Variants in PRPSAP1 observed in about 807,000 individuals in gnomAD.
The protein encoded by PRPSAP1 is phosphoribosyl pyrophosphate synthetase associated protein 1.
A neutral mutation model predicts 39.4 loss-of-function variants in PRPSAP1; 31 were observed. The observed-to-expected ratio is 0.79, with a 90% CI of 0.59 to 1.06. The LOEUF is 1.06. PRPSAP1 is among the 50% of genes least tolerant of loss of function. The pLI, the probability that PRPSAP1 is intolerant of heterozygous loss-of-function variation, is 0.00. For missense variants in PRPSAP1, 430 were observed against 511.6 expected, an observed-to-expected ratio of 0.84 and a Z score of 1.54; for synonymous variants, 212 against 192.6, an observed-to-expected ratio of 1.10 and a Z score of -0.83.
At chr17:76,334,802 A>G (rs1228160044) in intron 3 of PRPSAP1, among the ~76,000 whole-genome samples, 2 of 152,220 alleles carry the variant, frequency 1.3e-5, no homozygotes, top group African/African-American at 4.8e-5. Context: ...TTCCAAATTA[A>G]TAATGCCAAG....
intron 1 of PRPSAP1, among the ~76,000 whole-genome samples, chr17:76,349,974 T>C (rs2071550062): frequency 6.6e-6 from 1 of 151,168 alleles, no homozygotes; most frequent in Non-Finnish European, 1.5e-5. Context: ...TAATCCCAGT[T>C]ACTTGGGAGC....
At chr17:76,329,322 C>T (rs2071293235) in intron 6 of PRPSAP1, among the ~76,000 whole-genome samples, 2 of 152,148 alleles carry the variant, frequency 1.3e-5, no homozygotes, top group South Asian at 2.1e-4. Flanking sequence ...CTTTGGCCTC[C>T]CAAAGTGCTG....
At position 76,315,700 on chromosome 17, in the gene PRPSAP1, C is replaced by CTTTTTTTTTTTTT. The variant is rs71161279; in HGVS notation, c.782-1822_782-1810dup. The stretch of plus-strand genomic sequence containing the variant: ...ACACGCAGTTATGTTGACCTATCCG[C>CTTTTTTTTTTTTT]TTTTTTTTTTTTTTTTTTTTTTTTT... On this transcript the variant is annotated intron_variant, in intron 7 of 9. Transcript: ENST00000446526. 2.3e-4 allele frequency among the ~76,000 whole-genome samples: 17 copies of CTTTTTTTTTTTTT among 72,674 alleles called. 1 individual carries two copies. Among genetic ancestry groups the CTTTTTTTTTTTTT allele is most frequent in the African/African-American group, 9.0e-4 (14 of 15,580 alleles). The allele number at this position is 72,674 out of a possible 152,430, so 47.7% of individuals were successfully genotyped here.
intron 7 of PRPSAP1, among the ~76,000 whole-genome samples, chr17:76,324,544 T>C (rs2071231342): frequency 2.7e-5 from 4 of 148,818 alleles, no homozygotes; most frequent in Admixed American, 2.7e-4. Flanking sequence ...GAAGTTGCAG[T>C]GAGCCAAGAC....
chr17:76,342,332 T>C (rs1036932615), intron 3 of PRPSAP1, among the ~76,000 whole-genome samples: 7 of 152,186 alleles, frequency 4.6e-5, no homozygotes, highest in Non-Finnish European at 8.8e-5. Flanking sequence ...AATCTCATCA[T>C]AGTGAAAGAG....
At chr17:76,325,886 C>T (rs182020519) in intron 7 of PRPSAP1, among the ~76,000 whole-genome samples, 1 of 151,976 alleles carries the variant, frequency 6.6e-6, no homozygotes, top group Non-Finnish European at 1.5e-5. Context: ...GATTACAGGC[C>T]TGAGCCATTG....
intron 2 of PRPSAP1, among the ~76,000 whole-genome samples, chr17:76,347,414 G>C (rs939240923): frequency 6.7e-6 from 1 of 149,206 alleles, no homozygotes; most frequent in Non-Finnish European, 1.5e-5. Context: ...TTGAACCTGG[G>C]AGGTGGAGGT....
intron 9 of PRPSAP1, among the ~76,000 whole-genome samples, chr17:76,312,586 A>G (rs937499462): frequency 5.3e-5 from 8 of 152,224 alleles, no homozygotes; most frequent in African/African-American, 1.9e-4. Flanking sequence ...AATAAAAGCG[A>G]TTATTTTAAA....
Position 76,322,118 on chromosome 17 carries a change from C to T in PRPSAP1, c.781+6599G>A, listed in dbSNP as rs78638976. On this transcript the variant is annotated intron_variant, in intron 7 of 9. Coordinates refer to ENST00000446526, the MANE Select transcript of PRPSAP1 (RefSeq NM_002766.3). ...GTTCAAACAATATCAAACAACAGGCCGGGCGCAGTAGTTCACACCTGTAAT... is the reference window on the plus strand; with the variant it reads ...GTTCAAACAATATCAAACAACAGGCTGGGCGCAGTAGTTCACACCTGTAAT... Among the ~76,000 whole-genome samples the T allele has an allele frequency of 5.1e-3, 771 of 152,228 alleles. 5 individuals carry two copies. Among genetic ancestry groups the T allele is most frequent in the African/African-American group, 0.016 (673 of 41,542 alleles).
chr17:76,345,281 A>T (rs1009842550), intron 2 of PRPSAP1, among the ~76,000 whole-genome samples: 1 of 138,862 alleles, frequency 7.2e-6, no homozygotes. Context: ...AGCCCGGCCA[A>T]TATGGTGAAA....
At chr17:76,345,941 C>A in intron 2 of PRPSAP1, 1 of 453,822 alleles carries the variant, frequency 2.2e-6, no homozygotes, top group Non-Finnish European at 4.3e-6. Flanking sequence ...CCTGCTCCTC[C>A]CTCCAAAGCC....
chr17:76,344,294 A>AT (rs922271102), intron 3 of PRPSAP1, among the ~76,000 whole-genome samples: 2 of 151,268 alleles, frequency 1.3e-5, no homozygotes, highest in Non-Finnish European at 1.5e-5. Flanking sequence ...CGCCCGGCTA[A>AT]TTTTTTTGTA....
chr17:76,340,764 C>G (rs1450015599), intron 3 of PRPSAP1, among the ~76,000 whole-genome samples: 1 of 152,028 alleles, frequency 6.6e-6, no homozygotes, highest in Non-Finnish European at 1.5e-5. Flanking sequence ...GTGGCACATG[C>G]CTGTAGTCCC....
At chr17:76,354,059 C>A, upstream of PRPSAP1, 1 of 1,078,762 alleles carries the variant, frequency 9.3e-7, no homozygotes, top group Non-Finnish European at 1.1e-6. Context: ...CCCGCCCCTG[C>A]TTTGACCGCT....
At chr17:76,322,002 C>T (rs1400615040) in intron 7 of PRPSAP1, among the ~76,000 whole-genome samples, 2 of 152,142 alleles carry the variant, frequency 1.3e-5, no homozygotes, top group Non-Finnish European at 1.5e-5. Context: ...AAGCCGTTTC[C>T]GTGACCTAAG....
chr17:76,345,004 G>GGCGA, intron 2 of PRPSAP1, among the ~76,000 whole-genome samples: 5 of 151,972 alleles, frequency 3.3e-5, no homozygotes, highest in South Asian at 2.1e-4. Context: ...GGGAGGCCGA[G>GGCGA]GTGGGCAGAT....
intron 7 of PRPSAP1, among the ~76,000 whole-genome samples, chr17:76,320,026 T>C (rs1238784840): frequency 6.6e-6 from 1 of 151,896 alleles, no homozygotes; most frequent in Non-Finnish European, 1.5e-5. Flanking sequence ...TCCCAGCACT[T>C]TGGGAGGCCA....
At chr17:76,314,272 T>C (rs574912246) in intron 7 of PRPSAP1, 76 of 242,686 alleles carry the variant, frequency 3.1e-4, no homozygotes, top group African/African-American at 1.7e-3. Flanking sequence ...CAGGCTGGAG[T>C]GCAATGACGC....
chr17:76,354,041 AGGTTCG>A (rs1365129456), upstream of PRPSAP1: 1 of 1,104,468 alleles, frequency 9.1e-7, no homozygotes, highest in East Asian at 5.7e-5. Context: ...GGCATGTCAC[AGGTTCG>A]CCCCGCCCCT....
Sources: gnomAD v4.1 joint callset for allele counts (sites outside exome capture counted in the v4.1 genomes callset) on GRCh38, gnomAD v4.1.1 for gene constraint, MANE v1.5 for transcripts, NCBI Gene and HGNC (gene_info 2026-07-23, HGNC 2026-07-21) for gene names.